Variants in EFCAB11 observed in about 807,000 individuals in gnomAD.
EFCAB11 encodes EF-hand calcium binding domain 11.
In EFCAB11, 14 loss-of-function variants were observed where a neutral mutation model predicts 23.0. The ratio of observed to expected loss-of-function variants is 0.61; its 90% CI spans 0.40 to 0.95. The LOEUF (loss-of-function observed/expected upper bound fraction) is 0.95, where lower values mean the gene tolerates loss of function less well. Among genes scored for constraint, EFCAB11 ranks in the 40% least tolerant of loss-of-function variants. The probability of loss-of-function intolerance (pLI) is 0.00; values close to 1 mark genes in which losing one functional copy is unlikely to be tolerated. For missense variants in EFCAB11, 198 were observed against 195.8 expected, an observed-to-expected ratio of 1.01 and a Z score of -0.07; for synonymous variants, 65 against 66.6, an observed-to-expected ratio of 0.98 and a Z score of 0.11.
intron 5 of EFCAB11, among the ~76,000 whole-genome samples, chr14:89,844,474 C>A (rs1887369320): frequency 6.6e-6 from 1 of 152,186 alleles, no homozygotes; most frequent in South Asian, 2.1e-4. Context: ...GTTTTGACCT[C>A]ACAGACCCCT....
At chr14:89,842,623 ATATGATATGATATG>A (rs1457450297) in intron 5 of EFCAB11, among the ~76,000 whole-genome samples, 262 of 151,420 alleles carry the variant, frequency 1.7e-3, no homozygotes, top group Middle Eastern at 6.8e-3. Context: ...ATATGATATG[ATATGATATGATATG>A]ATATAATATA....
intron 2 of EFCAB11, among the ~76,000 whole-genome samples, chr14:89,951,758 A>C (rs868784220): frequency 9.2e-5 from 14 of 151,790 alleles, no homozygotes; most frequent in African/African-American, 3.4e-4. Flanking sequence ...AAAACACAAA[A>C]AAAAAAAAAG....
chr14:89,897,026 C>T (rs919313566), intron 5 of EFCAB11, among the ~76,000 whole-genome samples: 21 of 151,816 alleles, frequency 1.4e-4, no homozygotes, highest in African/African-American at 4.8e-4. Flanking sequence ...TGTGCCCAGC[C>T]GCTAAACACA....
intron 5 of EFCAB11, among the ~76,000 whole-genome samples, chr14:89,837,698 T>C (rs768790296): frequency 6.6e-6 from 1 of 152,086 alleles, no homozygotes; most frequent in Non-Finnish European, 1.5e-5. Flanking sequence ...AATAAACCCA[T>C]GCTGGTAGTG....
At chr14:89,836,480 G>T in intron 5 of EFCAB11, 3 of 446,776 alleles carry the variant, frequency 6.7e-6, no homozygotes, top group Middle Eastern at 3.3e-4. Flanking sequence ...AGGGGATGTG[G>T]ATTAAGCATG....
intron 5 of EFCAB11, among the ~76,000 whole-genome samples, chr14:89,928,271 G>T (rs766864436): frequency 6.6e-6 from 1 of 152,056 alleles, no homozygotes; most frequent in South Asian, 2.1e-4. Context: ...CATGGTTAAA[G>T]TATAGAAATT....
intron 5 of EFCAB11, among the ~76,000 whole-genome samples, chr14:89,851,442 G>A (rs1887599073): frequency 6.6e-6 from 1 of 152,174 alleles, no homozygotes; most frequent in African/African-American, 2.4e-5. Flanking sequence ...ACAAAACTTG[G>A]CTAAATGAAG....
At chr14:89,954,336 G>C in intron 1 of EFCAB11, 4 of 1,535,208 alleles carry the variant, frequency 2.6e-6, no homozygotes, top group South Asian at 1.2e-5. Flanking sequence ...AGGCGGGAGA[G>C]ATGCAGACTC....
chr14:89,835,661 T>G (rs1350873708), intron 5 of EFCAB11, among the ~76,000 whole-genome samples: 1 of 149,022 alleles, frequency 6.7e-6, no homozygotes, highest in African/African-American at 2.5e-5. Flanking sequence ...GTTGTCTCAC[T>G]CTGTTGCCCA....
At chr14:89,826,092 C>T (rs1395070612) in intron 5 of EFCAB11, among the ~76,000 whole-genome samples, 1 of 151,932 alleles carries the variant, frequency 6.6e-6, no homozygotes, top group Admixed American at 6.6e-5. Flanking sequence ...CTCTCATATA[C>T]ATATATATGT....
intron 3 of EFCAB11, among the ~76,000 whole-genome samples, chr14:89,939,605 A>C (rs1890720420): frequency 6.6e-6 from 1 of 152,202 alleles, no homozygotes; most frequent in Admixed American, 6.5e-5. Flanking sequence ...CAGCATGTCC[A>C]GCTCCAGGCC....
chr14:89,950,926 C>T (rs1891143938), intron 2 of EFCAB11, among the ~76,000 whole-genome samples: 1 of 152,092 alleles, frequency 6.6e-6, no homozygotes, highest in South Asian at 2.1e-4. Context: ...TATTCCCTAA[C>T]GTTCTATCCT....
chr14:89,906,217 A>T (rs151091257), intron 5 of EFCAB11, among the ~76,000 whole-genome samples: 88 of 147,404 alleles, frequency 6.0e-4, no homozygotes, highest in Non-Finnish European at 8.8e-4. Flanking sequence ...ATAAATAAAT[A>T]AATTAAAGGT....
intron 5 of EFCAB11, among the ~76,000 whole-genome samples, chr14:89,907,937 G>A (rs896511936): frequency 1.4e-4 from 21 of 152,178 alleles, no homozygotes; most frequent in Non-Finnish European, 2.1e-4. Flanking sequence ...GATCAAATGA[G>A]TTAAGGCAAG....
intron 5 of EFCAB11, among the ~76,000 whole-genome samples, chr14:89,854,917 T>G (rs981069626): frequency 2.0e-5 from 3 of 152,190 alleles, no homozygotes; most frequent in Non-Finnish European, 4.4e-5. Flanking sequence ...TTAAGAGTGA[T>G]CAGGAAGTCT....
intron 5 of EFCAB11, among the ~76,000 whole-genome samples, chr14:89,841,891 C>T (rs1016432100): frequency 6.6e-6 from 1 of 152,104 alleles, no homozygotes; most frequent in African/African-American, 2.4e-5. Flanking sequence ...TGCCTCTAGT[C>T]CAGATGCTCT....
intron 5 of EFCAB11, among the ~76,000 whole-genome samples, chr14:89,870,974 C>G (rs990123972): frequency 2.6e-5 from 4 of 151,990 alleles, no homozygotes; most frequent in African/African-American, 9.7e-5. Context: ...AAACATAGCT[C>G]CCGCTGTGTT....
intron 5 of EFCAB11, among the ~76,000 whole-genome samples, chr14:89,852,703 T>C (rs1330117137): frequency 6.6e-6 from 1 of 152,212 alleles, no homozygotes; most frequent in African/African-American, 2.4e-5. Flanking sequence ...CACACCTCAA[T>C]CTTTAACAGC....
intron 5 of EFCAB11, chr14:89,833,164 G>A (rs780813904): frequency 1.3e-5 from 2 of 150,808 alleles, no homozygotes; most frequent in African/African-American, 2.4e-5. Flanking sequence ...TCTCTGGACC[G>A]ACAAGAGTTT....
Sources: allele counts gnomAD v4.1 joint callset (sites outside exome capture counted in the v4.1 genomes callset), GRCh38; gene constraint gnomAD v4.1.1; transcripts MANE v1.5; gene names NCBI Gene and HGNC (gene_info 2026-07-23, HGNC 2026-07-21).